The following RBFOX1 variants were observed in gnomAD, a reference collection of about 807,000 sequenced individuals.
The protein encoded by RBFOX1 is RNA binding protein fox-1 homolog 1.
Under a neutral mutation model 57.7 loss-of-function variants are expected in RBFOX1, and 8 were observed. The observed-to-expected ratio is 0.14, with a 90% CI of 0.08 to 0.25. RBFOX1 has a LOEUF of 0.25. RBFOX1 is among the 10% of genes least tolerant of loss of function. The pLI, the probability that RBFOX1 is intolerant of heterozygous loss-of-function variation, is 1.00. For missense variants in RBFOX1, 611 were observed against 548.5 expected, an observed-to-expected ratio of 1.11 and a Z score of -1.14; for synonymous variants, 326 against 222.4, an observed-to-expected ratio of 1.47 and a Z score of -4.15.
At chr16:5,241,523 CCAG>C (rs1271933298) in intron 1 of RBFOX1, among the ~76,000 whole-genome samples, 1 of 152,182 alleles carries the variant, frequency 6.6e-6, no homozygotes, top group Non-Finnish European at 1.5e-5. Context: ...GAGTGTGGAG[CCAG>C]GCAGCTGGGG....
At chr16:6,315,222 C>A (rs1188775519) in intron 1 of RBFOX1, among the ~76,000 whole-genome samples, 1 of 152,136 alleles carries the variant, frequency 6.6e-6, no homozygotes, top group Non-Finnish European at 1.5e-5. Flanking sequence ...TGGCCATGGT[C>A]ACAAAGTTAG....
At chr16:6,647,190 A>G (rs2098541013) in intron 2 of RBFOX1, among the ~76,000 whole-genome samples, 1 of 152,164 alleles carries the variant, frequency 6.6e-6, no homozygotes, top group African/African-American at 2.4e-5. Flanking sequence ...AGAGAGAGAG[A>G]GAAAATGAGT....
At chr16:5,327,819 C>T (rs1238756612) in intron 1 of RBFOX1, among the ~76,000 whole-genome samples, 3 of 152,160 alleles carry the variant, frequency 2.0e-5, no homozygotes, top group African/African-American at 7.2e-5. Context: ...CTTGTAAAGC[C>T]ACCAGCAGAC....
chr16:7,014,173 C>G (rs1055870596), intron 3 of RBFOX1, among the ~76,000 whole-genome samples: 28 of 151,978 alleles, frequency 1.8e-4, no homozygotes, highest in Non-Finnish European at 5.9e-5. Context: ...GAAACTTTGA[C>G]AAATGAAAAT....
At chr16:5,460,633 C>T (rs1041264461) in intron 1 of RBFOX1, among the ~76,000 whole-genome samples, 1 of 152,218 alleles carries the variant, frequency 6.6e-6, no homozygotes, top group South Asian at 2.1e-4. Context: ...ACATGCTTTC[C>T]AGTGAAGGGT....
intron 3 of RBFOX1, among the ~76,000 whole-genome samples, chr16:6,933,686 G>T (rs1287710411): frequency 6.6e-6 from 1 of 152,240 alleles, no homozygotes; most frequent in Non-Finnish European, 1.5e-5. Context: ...GCACACTCCA[G>T]CCTGGGGGAC....
chr16:5,654,101 G>C (rs1331288289), intron 3 of RBFOX1, among the ~76,000 whole-genome samples: 1 of 152,188 alleles, frequency 6.6e-6, no homozygotes, highest in African/African-American at 2.4e-5. Context: ...GTGAGGACAC[G>C]TCTGGGTCAA....
chr16:7,648,706 G>A (rs1366249204), intron 11 of RBFOX1, among the ~76,000 whole-genome samples: 1 of 152,186 alleles, frequency 6.6e-6, no homozygotes, highest in Non-Finnish European at 1.5e-5. Context: ...AGGGTGAGAT[G>A]TGATGAAGAC....
At chr16:5,457,773 A>G (rs2068674602) in intron 1 of RBFOX1, among the ~76,000 whole-genome samples, 1 of 152,204 alleles carries the variant, frequency 6.6e-6, no homozygotes, top group Non-Finnish European at 1.5e-5. Flanking sequence ...ACTTCCTGGT[A>G]CTTATTTTAA....
intron 3 of RBFOX1, among the ~76,000 whole-genome samples, chr16:5,841,227 A>C (rs182403255): frequency 1.3e-5 from 2 of 152,328 alleles, no homozygotes; most frequent in African/African-American, 4.8e-5. Flanking sequence ...TGGATGAAGA[A>C]ACGGAAGCAT....
chr16:5,265,916 A>G (rs111610332), intron 1 of RBFOX1, among the ~76,000 whole-genome samples: 1,848 of 152,222 alleles, frequency 0.012, 30 homozygotes, highest in African/African-American at 0.032. Flanking sequence ...CAAAATTCCC[A>G]TGTGAATCTC....
At chr16:5,592,616 A>G (rs2047046873) in intron 2 of RBFOX1, among the ~76,000 whole-genome samples, 1 of 152,140 alleles carries the variant, frequency 6.6e-6, no homozygotes, top group Non-Finnish European at 1.5e-5. Flanking sequence ...GGGTTTCACC[A>G]TGTTGGCTAG....
chr16:6,663,507 C>G (rs911084495), intron 3 of RBFOX1, among the ~76,000 whole-genome samples: 7 of 152,138 alleles, frequency 4.6e-5, no homozygotes, highest in African/African-American at 1.7e-4. Flanking sequence ...GGAGAAGGTT[C>G]ACTCCTTCCT....
intron 1 of RBFOX1, among the ~76,000 whole-genome samples, chr16:5,407,110 C>G (rs893936794): frequency 6.6e-6 from 1 of 152,126 alleles, no homozygotes; most frequent in Non-Finnish European, 1.5e-5. Flanking sequence ...GAAGGGGAAG[C>G]AGGCACATCT....
rs533919288 is a variant in RBFOX1 at position 6,115,750 on chromosome 16, G to T, written c.-127+95758G>T. 3.2e-3 allele frequency among the ~76,000 whole-genome samples: 483 copies of T among 152,226 alleles called. 2 individuals carry two copies. The highest frequency in any genetic ancestry group is 4.6e-3 in the Non-Finnish European group (316 of 68,018). On this transcript the variant is annotated intron_variant, in intron 1 of 15. Coordinates refer to ENST00000550418, the MANE Select transcript of RBFOX1 (RefSeq NM_018723.4). ...GTTTATTTACCAAGCTACACAGTGG[G>T]CTAGGTTTGCCTTGTGGTCATAATT...
chr16:7,470,187 C>G (rs1049758880), intron 4 of RBFOX1, among the ~76,000 whole-genome samples: 9 of 152,068 alleles, frequency 5.9e-5, no homozygotes, highest in African/African-American at 2.2e-4. Flanking sequence ...CCAGGTGCAC[C>G]CTTGGGTCAT....
rs567348311 is a variant in RBFOX1 at position 6,150,520 on chromosome 16, G to A, written c.-127+130528G>A. Among the ~76,000 whole-genome samples the A allele has an allele frequency of 7.8e-4, 118 of 151,932 alleles. 1 individual carries two copies. The South Asian group carries it at 0.023, about 30-fold the overall frequency. On this transcript the variant is annotated intron_variant, in intron 1 of 15. Transcript: ENST00000550418. ...TATGTTGACCAGCTCTGTTCTCTAT[G>A]TTTTCCTTCCCAAATGAACCAAATG...
chr16:5,641,946 A>G (rs1406383742), intron 3 of RBFOX1, among the ~76,000 whole-genome samples: 2 of 152,170 alleles, frequency 1.3e-5, no homozygotes, highest in Admixed American at 6.5e-5. Flanking sequence ...TAAAATGCAG[A>G]TTCAGTTTCT....
intron 1 of RBFOX1, among the ~76,000 whole-genome samples, chr16:6,185,842 T>C (rs887820964): frequency 6.6e-6 from 1 of 152,038 alleles, no homozygotes; most frequent in African/African-American, 2.4e-5. Flanking sequence ...AGGAGGAGAG[T>C]TGGATCTTCT....
Sources: gnomAD v4.1 joint callset for allele counts (sites outside exome capture counted in the v4.1 genomes callset) on GRCh38, gnomAD v4.1.1 for gene constraint, MANE v1.5 for transcripts, NCBI Gene and HGNC (gene_info 2026-07-23, HGNC 2026-07-21) for gene names.